Variants in TGM5 observed in about 807,000 individuals in gnomAD.
The protein encoded by TGM5 is transglutaminase 5.
TGM5 carries 69 observed loss-of-function variants against 77.2 expected under a neutral mutation model. The ratio of observed to expected loss-of-function variants is 0.89; its 90% CI spans 0.74 to 1.09. The LOEUF is 1.09. Among genes scored for constraint, TGM5 ranks in the 50% least tolerant of loss-of-function variants. The pLI, the probability that TGM5 is intolerant of heterozygous loss-of-function variation, is 0.00. For synonymous variants in TGM5, 346 were observed against 351.8 expected (o/e 0.98, Z 0.18); for missense variants, 842 against 896.5 (o/e 0.94, Z 0.78).
rs1461100632 is a variant in TGM5 at position 43,260,420 on chromosome 15, A to G, written c.170T>C (p.Ile57Thr). ...NRSFQPGLDN[I>T]IFVVETGPLP... ...CTTACCAGTTTCAACCACGAAGATG[A>G]TGTTGTCCAGGCCTGGCTGGAAGCT... is the stretch of plus-strand genomic sequence containing the variant. The change falls in exon 2 of 13, where the codon ATC (isoleucine) becomes ACC (threonine). Residue 57 changes from isoleucine to threonine, a missense_variant. Physicochemically the swap from Ile to Thr is moderately conservative, Grantham distance 89. Coordinates refer to ENST00000220420, the MANE Select transcript of TGM5 (RefSeq NM_201631.4). 1 of 1,614,150 alleles carries G rather than the reference A, an allele frequency of 6.2e-7. No homozygotes were observed. The highest frequency in any genetic ancestry group is 8.5e-7 in the Non-Finnish European group (1 of 1,180,020).
chr15:43,236,968 C>CAAAAA (rs1015479664), intron 9 of TGM5, among the ~76,000 whole-genome samples: 8 of 61,292 alleles, frequency 1.3e-4, no homozygotes, highest in East Asian at 9.3e-4. Context: ...GACTCTGTCT[C>CAAAAA]AAAAAAAAAA....
chr15:43,246,826 A>C (rs1479118504), intron 6 of TGM5, among the ~76,000 whole-genome samples: 1 of 152,210 alleles, frequency 6.6e-6, no homozygotes. Context: ...GAGACGCCTC[A>C]TAATACATAG....
At position 43,233,060 on chromosome 15, in the gene TGM5, T is replaced by C; in HGVS notation, c.*131A>G. ...TCAGGAGAGACAGAAAATGAACACG[T>C]CATCCCCTCTGTGGCTCTTGCTGGA... On this transcript the variant is annotated 3_prime_UTR_variant, in exon 13 of 13. Coordinates refer to ENST00000220420, the MANE Select transcript of TGM5 (RefSeq NM_201631.4). 1 of 1,128,944 alleles carries C rather than the reference T, an allele frequency of 8.9e-7. No individual in the cohort carries two copies. Among genetic ancestry groups the C allele is most frequent in the East Asian group, 2.6e-5 (1 of 39,210 alleles). The allele number at this position is 1,128,944 out of a possible 1,614,324, so 69.9% of individuals were successfully genotyped here.
chr15:43,242,635 C>G (rs1374721909), intron 6 of TGM5, among the ~76,000 whole-genome samples: 1 of 152,226 alleles, frequency 6.6e-6, no homozygotes, highest in East Asian at 1.9e-4. Context: ...CACAGAGCCT[C>G]TCCAGGCCAG....
chr15:43,233,176 G>A lies in TGM5; in HGVS notation c.*15C>T, dbSNP rs201157045. On this transcript the variant is annotated 3_prime_UTR_variant, in exon 13 of 13. Coordinates refer to ENST00000220420, the MANE Select transcript of TGM5 (RefSeq NM_201631.4). ...GAAGCTTGAAATTCACACGTCTGGC[G>A]CGTTGTTCCAGAATTTATAATGCAA... 31 of 1,613,746 alleles carry A rather than the reference G, an allele frequency of 1.9e-5. No homozygotes were observed. The highest frequency in any genetic ancestry group is 6.7e-5 in the East Asian group (3 of 44,900).
intron 3 of TGM5, among the ~76,000 whole-genome samples, chr15:43,259,034 G>A (rs2042765212): frequency 6.6e-6 from 1 of 152,178 alleles, no homozygotes; most frequent in African/African-American, 2.4e-5. Context: ...GGGTCCTGAT[G>A]TGACCCAGGA....
intron 3 of TGM5, among the ~76,000 whole-genome samples, chr15:43,259,553 G>A (rs1455477236): frequency 6.6e-6 from 1 of 151,946 alleles, no homozygotes; most frequent in African/African-American, 2.4e-5. Flanking sequence ...ATTTGATTAA[G>A]CATAGAACAC....
At chr15:43,257,477 T>C (rs889848468) in intron 3 of TGM5, among the ~76,000 whole-genome samples, 1 of 152,176 alleles carries the variant, frequency 6.6e-6, no homozygotes, top group Non-Finnish European at 1.5e-5. Flanking sequence ...ATCTTAACAT[T>C]AGGTTGGTGC....
rs1372965236 is a variant in TGM5, at chr15:43,235,449, C to A, written c.1714+20G>T. 1 of 1,613,976 alleles carries A rather than the reference C, an allele frequency of 6.2e-7. No homozygotes were observed. ...ATTGCCAAAACCAACTCTGCGTACACAAACTGTGCACATGCGTACCTTCTT... is the reference window on the plus strand; with the variant it reads ...ATTGCCAAAACCAACTCTGCGTACAAAAACTGTGCACATGCGTACCTTCTT... On this transcript the variant is annotated intron_variant, in intron 10 of 12. Coordinates refer to ENST00000220420, the MANE Select transcript of TGM5 (RefSeq NM_201631.4).
chr15:43,265,163 T>C (rs904981989), intron 1 of TGM5, among the ~76,000 whole-genome samples: 4 of 152,172 alleles, frequency 2.6e-5, no homozygotes, highest in African/African-American at 9.7e-5. Flanking sequence ...CATCCACACT[T>C]GGAGATGAGA....
rs767557684 is a variant in TGM5 at position 43,235,725 on chromosome 15, C to T, written c.1458G>A (p.Leu486=). ...AELQPSRPTS[L]SQDSPRSLHT... is the part of the protein sequence containing the mutation. ...GCAGGCTCCGAGGGCTGTCCTGGCT[C>T]AGTGATGTGGGCCTGGAAGGTTGCA... The change falls in exon 10 of 13, where the codon CTG becomes CTA. Residue 486 remains leucine, a synonymous_variant. Transcript: ENST00000220420. The T allele has an allele frequency of 1.6e-5, 26 of 1,614,072 alleles. No homozygotes were observed. Among genetic ancestry groups the T allele is most frequent in the Non-Finnish European group, 1.7e-5 (20 of 1,180,048 alleles).
At position 43,241,051 on chromosome 15, in the gene TGM5, G is replaced by A. The variant is rs969421139; in HGVS notation, c.863-61C>T. ...GTAGATTCCGGACCCGTATATTCCTGGACTTTGGGGCCTGGACCTGGGGAA... is the reference window on the plus strand; with the variant it reads ...GTAGATTCCGGACCCGTATATTCCTAGACTTTGGGGCCTGGACCTGGGGAA... On this transcript the variant is annotated intron_variant, in intron 6 of 12. Transcript: ENST00000220420. 6 of 1,609,622 alleles carry A rather than the reference G, an allele frequency of 3.7e-6. No homozygotes were observed. In the East Asian group the frequency reaches 1.3e-4, roughly 36 times the overall value.
chr15:43,261,037 A>G (rs2042782081), intron 1 of TGM5, among the ~76,000 whole-genome samples: 1 of 128,390 alleles, frequency 7.8e-6, no homozygotes, highest in Non-Finnish European at 1.6e-5. Context: ...CCTGGGTTTA[A>G]CTCCTTGGGC....
rs764448893 is a variant in TGM5, at chr15:43,238,972, G to C, written c.1190C>G (p.Ser397Trp). The change falls in exon 9 of 13, where the codon TCG becomes TGG. Residue 397 changes from serine (S) to tryptophan (W), a missense_variant. Ser to Trp is a radical substitution (Grantham distance 177). Around this residue, in one of 2 missense-constraint regions of TGM5, gnomAD observed 815 missense variants for 844.6 expected, o/e 0.96. Transcript: ENST00000220420. ...GGACATGCAGTCAGCATTCACCATC[G>C]AAAACACAAAGGGCGTGTCATAGTT... is the stretch of plus-strand genomic sequence containing the variant. ...DLNYDTPFVF[S>W]MVNADCMSWL... is the part of the protein sequence containing the mutation. 38 of 1,614,040 alleles carry C rather than the reference G, an allele frequency of 2.4e-5. No homozygotes were observed. The highest frequency in any genetic ancestry group is 5.0e-5 in the Admixed American group (3 of 60,008).
intron 1 of TGM5, among the ~76,000 whole-genome samples, chr15:43,266,373 G>T (rs1596454688): frequency 1.3e-5 from 2 of 152,200 alleles, no homozygotes; most frequent in East Asian, 3.8e-4. Flanking sequence ...GCTAAGATCA[G>T]TAATAGACCT....
At position 43,242,278 on chromosome 15, in the gene TGM5, A is replaced by C. The variant is rs550290470; in HGVS notation, c.863-1288T>G. ...CTGAGTCCAGCTTTTGGTAGTATGC[A>C]TACAGTTCAGCATCTTAGTGTTTTT... On this transcript the variant is annotated intron_variant, in intron 6 of 12. Transcript: ENST00000220420. Among the ~76,000 whole-genome samples, 3 of 152,378 alleles carry C rather than the reference A, an allele frequency of 2.0e-5. No individual in the cohort carries two copies. The East Asian group carries it at 5.8e-4, about 29-fold the overall frequency.
At chr15:43,263,185 A>G (rs1234843250) in intron 1 of TGM5, among the ~76,000 whole-genome samples, 1 of 152,246 alleles carries the variant, frequency 6.6e-6, no homozygotes, top group Non-Finnish European at 1.5e-5. Context: ...ATCACAAAAC[A>G]TCACTGAAAG....
rs777308377 is a variant in TGM5 at position 43,235,607 on chromosome 15, C to G, written c.1576G>C (p.Val526Leu). The stretch of plus-strand genomic sequence containing the variant: ...GAGGACATGTTGAGGGCCAGCAGGA[C>G]AAAGCATATATCCTGGCCCATGTTG... ...PPNMGQDICF[V>L]LLALNMSSQF... Residue 526 changes from valine to leucine, a missense_variant, in exon 10 of 13, where the codon GTC becomes CTC. Val to Leu is a conservative substitution (Grantham distance 32). Around this residue, in one of 2 missense-constraint regions of TGM5, gnomAD observed 815 missense variants for 844.6 expected, o/e 0.96. Transcript: ENST00000220420. 6.2e-6 allele frequency: 10 copies of G among 1,614,168 alleles called. No individual in the cohort carries two copies. Among genetic ancestry groups the G allele is most frequent in the Non-Finnish European group, 8.5e-6 (10 of 1,180,038 alleles).
Position 43,233,219 on chromosome 15 carries a change from C to A in TGM5, c.2135G>T (p.Arg712Met). ...SNKFKDIKGY[R>M]NVYVDFAL ...TAATGCAAAGTCTACATAAACATTC[C>A]TGTAACCCTTAATGTCCTTAAACTT... is the stretch of plus-strand genomic sequence containing the variant. The change falls in exon 13 of 13, where the codon AGG becomes ATG. Residue 712 changes from arginine to methionine, a missense_variant. Coordinates refer to ENST00000220420, the MANE Select transcript of TGM5 (RefSeq NM_201631.4). The A allele has an allele frequency of 6.2e-7, 1 of 1,614,194 alleles. No homozygotes were observed. Among genetic ancestry groups the A allele is most frequent in the Non-Finnish European group, 8.5e-7 (1 of 1,180,042 alleles).
Sources: gnomAD v4.1 joint callset for allele counts (sites outside exome capture counted in the v4.1 genomes callset) on GRCh38, gnomAD v4.1.1 for gene constraint, gnomAD v4.1.1 regional missense constraint, MANE v1.5 for transcripts, NCBI Gene and HGNC (gene_info 2026-07-23, HGNC 2026-07-21) for gene names.